SH3GL2: variants seen among roughly 807,000 people sequenced by gnomAD.
SH3GL2 encodes the protein SH3 domain containing GRB2 like 2, endophilin A1, also known as endophilin-A1.
Under a neutral mutation model 46.0 loss-of-function variants are expected in SH3GL2, and 24 were observed. The ratio of observed to expected loss-of-function variants is 0.52; its 90% CI spans 0.38 to 0.73. The LOEUF (loss-of-function observed/expected upper bound fraction) is 0.73, where lower values mean the gene tolerates loss of function less well. Among genes scored for constraint, SH3GL2 ranks in the 30% least tolerant of loss-of-function variants. SH3GL2 has a pLI of 0.00. For synonymous variants in SH3GL2, 196 were observed against 147.1 expected (o/e 1.33, Z -2.40); for missense variants, 413 against 424.2 (o/e 0.97, Z 0.23).
At chr9:17,757,428 T>C (rs1823028656) in intron 2 of SH3GL2, among the ~76,000 whole-genome samples, 1 of 152,090 alleles carries the variant, frequency 6.6e-6, no homozygotes, top group African/African-American at 2.4e-5. Flanking sequence ...AGAGCTAATA[T>C]CCAGAATCTA....
At chr9:17,682,597 A>C (rs1820800968) in intron 1 of SH3GL2, among the ~76,000 whole-genome samples, 1 of 151,890 alleles carries the variant, frequency 6.6e-6, no homozygotes, top group Admixed American at 6.6e-5. Context: ...ATGGGTCAAT[A>C]GGTGCAGCAG....
intron 1 of SH3GL2, among the ~76,000 whole-genome samples, chr9:17,704,805 A>T (rs1821428832): frequency 6.6e-6 from 1 of 152,154 alleles, no homozygotes; most frequent in African/African-American, 2.4e-5. Context: ...AAAGACTTAA[A>T]TGTAAAACCT....
chr9:17,598,525 G>A (rs965318766), intron 1 of SH3GL2, among the ~76,000 whole-genome samples: 2 of 152,084 alleles, frequency 1.3e-5, no homozygotes, highest in African/African-American at 4.8e-5. Flanking sequence ...GCAGAGTTGC[G>A]GGCCAAGGGG....
At chr9:17,773,491 G>A (rs936777059) in intron 3 of SH3GL2, among the ~76,000 whole-genome samples, 3 of 152,054 alleles carry the variant, frequency 2.0e-5, no homozygotes, top group African/African-American at 7.2e-5. Context: ...TTTGTATATA[G>A]TATTAGAAAA....
At chr9:17,763,319 T>A (rs756390547) in intron 3 of SH3GL2, among the ~76,000 whole-genome samples, 3 of 152,172 alleles carry the variant, frequency 2.0e-5, no homozygotes, top group African/African-American at 2.4e-5. Context: ...ACTAAACTTA[T>A]AAGGAATGTG....
intron 1 of SH3GL2, among the ~76,000 whole-genome samples, chr9:17,686,795 G>C (rs1022654140): frequency 1.6e-5 from 2 of 128,424 alleles, no homozygotes; most frequent in South Asian, 3.0e-4. Context: ...GTTGTGGGGT[G>C]GGGGGAGGGG....
chr9:17,667,285 T>G (rs1438621352), intron 1 of SH3GL2, among the ~76,000 whole-genome samples: 1 of 152,162 alleles, frequency 6.6e-6, no homozygotes, highest in Non-Finnish European at 1.5e-5. Flanking sequence ...TTCACAAGAT[T>G]GTACAGCATC....
intron 1 of SH3GL2, among the ~76,000 whole-genome samples, chr9:17,591,576 A>G (rs779378299): frequency 6.6e-6 from 1 of 152,226 alleles, no homozygotes; most frequent in Non-Finnish European, 1.5e-5. Context: ...TTATTCAGGA[A>G]AAACCTATAT....
intron 2 of SH3GL2, among the ~76,000 whole-genome samples, chr9:17,751,119 A>T (rs1822827805): frequency 6.6e-6 from 1 of 152,232 alleles, no homozygotes. Context: ...TTGAACCCAG[A>T]AGATGTCCTA....
intron 1 of SH3GL2, among the ~76,000 whole-genome samples, chr9:17,690,214 A>T (rs1483002355): frequency 6.6e-6 from 1 of 152,148 alleles, no homozygotes; most frequent in Non-Finnish European, 1.5e-5. Context: ...AAAAGAAGTG[A>T]CTGCTCAGTA....
intron 1 of SH3GL2, among the ~76,000 whole-genome samples, chr9:17,720,020 A>G (rs1432055443): frequency 6.6e-6 from 1 of 152,094 alleles, no homozygotes; most frequent in Non-Finnish European, 1.5e-5. Flanking sequence ...CTGTTTATAA[A>G]GTTGTAGTTG....
chr9:17,726,585 C>G (rs756914327), intron 1 of SH3GL2, among the ~76,000 whole-genome samples: 1 of 152,062 alleles, frequency 6.6e-6, no homozygotes. Flanking sequence ...TACTACACGA[C>G]ACACGAATAA....
At chr9:17,594,647 A>G (rs963452203) in intron 1 of SH3GL2, among the ~76,000 whole-genome samples, 1 of 151,772 alleles carries the variant, frequency 6.6e-6, no homozygotes, top group Non-Finnish European at 1.5e-5. Context: ...AAAGTAAAAT[A>G]AAAATTAAAA....
intron 1 of SH3GL2, among the ~76,000 whole-genome samples, chr9:17,661,076 C>T (rs540843411): frequency 4.6e-5 from 7 of 152,162 alleles, no homozygotes; most frequent in East Asian, 1.9e-4. Flanking sequence ...GCAGGAGAAT[C>T]GCTTGAACCT....
intron 1 of SH3GL2, among the ~76,000 whole-genome samples, chr9:17,730,341 G>C (rs571878833): frequency 1.1e-3 from 164 of 152,224 alleles, no homozygotes; most frequent in African/African-American, 3.8e-3. Context: ...TTGCTTATCA[G>C]CTTAAGGAGT....
In SH3GL2 at chr9:17,668,806, G is replaced by A. The variant is rs1820404118; in HGVS notation, c.46-78260G>A. On this transcript the variant is annotated intron_variant, in intron 1 of 8. Transcript: ENST00000380607. Reference sequence around the variant, plus strand: ...TGAGTAGCCAGGACTACAGGTGCATGCCACCATGCCCAAGTAGTTTTTAAA... The same window carrying A: ...TGAGTAGCCAGGACTACAGGTGCATACCACCATGCCCAAGTAGTTTTTAAA... Among the ~76,000 whole-genome samples the A allele has an allele frequency of 1.3e-5, 2 of 152,086 alleles. 1 individual carries two copies. Among genetic ancestry groups the A allele is most frequent in the South Asian group, 4.1e-4 (2 of 4,824 alleles).
At chr9:17,738,816 C>G (rs894266533) in intron 1 of SH3GL2, among the ~76,000 whole-genome samples, 3 of 151,896 alleles carry the variant, frequency 2.0e-5, no homozygotes, top group Admixed American at 6.6e-5. Flanking sequence ...TCAGAGTCAG[C>G]TCAGCTTTGT....
At chr9:17,625,318 C>T (rs904560772) in intron 1 of SH3GL2, among the ~76,000 whole-genome samples, 4 of 152,154 alleles carry the variant, frequency 2.6e-5, no homozygotes, top group Non-Finnish European at 5.9e-5. Flanking sequence ...GGTCCAGAAG[C>T]CCCACTTTAT....
Position 17,585,825 on chromosome 9 carries a change from A to T in SH3GL2, c.45+6538A>T, listed in dbSNP as rs537855839. 3.3e-5 allele frequency among the ~76,000 whole-genome samples: 5 copies of T among 152,304 alleles called. No homozygotes were observed. In the South Asian group the frequency reaches 1.0e-3, roughly 32 times the overall value. On this transcript the variant is annotated intron_variant, in intron 1 of 8. Coordinates refer to ENST00000380607, the MANE Select transcript of SH3GL2 (RefSeq NM_003026.5). ...TTACCTGGGTGGGGTGTTCACAGTTAGCGTATGTGGGAATGAATGTTGAGG... is the reference window on the plus strand; with the variant it reads ...TTACCTGGGTGGGGTGTTCACAGTTTGCGTATGTGGGAATGAATGTTGAGG...
Sources: gnomAD v4.1 joint callset for allele counts (sites outside exome capture counted in the v4.1 genomes callset) on GRCh38, gnomAD v4.1.1 for gene constraint, MANE v1.5 for transcripts, NCBI Gene and HGNC (gene_info 2026-07-23, HGNC 2026-07-21) for gene names.